PLCB1: variants seen among roughly 807,000 people sequenced by gnomAD.
PLCB1 encodes phospholipase C beta 1.
PLCB1 carries 46 observed loss-of-function variants against 161.8 expected under a neutral mutation model. That is an observed-to-expected ratio of 0.28 (90% CI 0.22 to 0.36). PLCB1 has a LOEUF of 0.36. Among genes scored for constraint, PLCB1 ranks in the 10% least tolerant of loss-of-function variants. The probability of loss-of-function intolerance (pLI) is 1.00; values close to 1 mark genes in which losing one functional copy is unlikely to be tolerated. For synonymous variants in PLCB1, 517 were observed against 503.7 expected (o/e 1.03, Z -0.35); for missense variants, 1,016 against 1,472.5 (o/e 0.69, Z 5.07).
chr20:8,409,005 A>G (rs1333378529), intron 3 of PLCB1, among the ~76,000 whole-genome samples: 1 of 152,232 alleles, frequency 6.6e-6, no homozygotes, highest in African/African-American at 2.4e-5. Flanking sequence ...TTTACATGGT[A>G]TTCAACATTG....
intron 9 of PLCB1, among the ~76,000 whole-genome samples, chr20:8,681,934 G>A (rs1990230745): frequency 6.6e-6 from 1 of 152,218 alleles, no homozygotes; most frequent in African/African-American, 2.4e-5. Context: ...TGTGCACAAA[G>A]CATCTAGTAG....
At chr20:8,218,248 C>A (rs572699280) in intron 2 of PLCB1, among the ~76,000 whole-genome samples, 1 of 151,328 alleles carries the variant, frequency 6.6e-6, no homozygotes, top group East Asian at 1.9e-4. Flanking sequence ...AGTGTTTTAT[C>A]CCCTGGGAGA....
intron 2 of PLCB1, among the ~76,000 whole-genome samples, chr20:8,323,512 T>A (rs1985006319): frequency 6.6e-6 from 1 of 152,168 alleles, no homozygotes; most frequent in African/African-American, 2.4e-5. Flanking sequence ...CATTGGTGTC[T>A]ATTCCTATAA....
intron 4 of PLCB1, among the ~76,000 whole-genome samples, chr20:8,629,850 TTTC>T (rs1457434965): frequency 1.0e-4 from 10 of 98,114 alleles, no homozygotes; most frequent in Non-Finnish European, 1.6e-4. Flanking sequence ...TCTTTCTTTC[TTTC>T]TTTCTTTCTT....
intron 3 of PLCB1, among the ~76,000 whole-genome samples, chr20:8,603,219 A>G (rs1490639328): frequency 6.6e-6 from 1 of 152,160 alleles, no homozygotes; most frequent in South Asian, 2.1e-4. Flanking sequence ...CTTTTTTCTC[A>G]TTGACTTTAA....
At chr20:8,803,839 G>C (rs547459313) in intron 31 of PLCB1, among the ~76,000 whole-genome samples, 66 of 151,988 alleles carry the variant, frequency 4.3e-4, no homozygotes, top group Admixed American at 7.9e-4. Flanking sequence ...TGTTGCCCAG[G>C]CTGGAGTGGA....
chr20:8,786,902 A>C (rs1983515410), intron 27 of PLCB1, among the ~76,000 whole-genome samples: 1 of 151,876 alleles, frequency 6.6e-6, no homozygotes, highest in Non-Finnish European at 1.5e-5. Context: ...ACAGGGTTTT[A>C]CCGTGTTGGC....
chr20:8,151,258 G>A (rs770358458), intron 2 of PLCB1, among the ~76,000 whole-genome samples: 1 of 152,134 alleles, frequency 6.6e-6, no homozygotes, highest in Non-Finnish European at 1.5e-5. Flanking sequence ...CCACAGTTAC[G>A]GATGAAGGAG....
intron 3 of PLCB1, among the ~76,000 whole-genome samples, chr20:8,529,356 C>T (rs866942178): frequency 1.3e-5 from 2 of 151,968 alleles, no homozygotes; most frequent in Non-Finnish European, 2.9e-5. Flanking sequence ...GTATTTTACT[C>T]CTCCTCCTCA....
intron 9 of PLCB1, among the ~76,000 whole-genome samples, chr20:8,683,715 C>G (rs921250782): frequency 2.0e-5 from 3 of 152,030 alleles, no homozygotes; most frequent in Non-Finnish European, 2.9e-5. Context: ...TAAATAGAAT[C>G]TGAGTAAACT....
chr20:8,366,303 C>A (rs1290431579), intron 2 of PLCB1, among the ~76,000 whole-genome samples: 1 of 151,738 alleles, frequency 6.6e-6, no homozygotes, highest in African/African-American at 2.4e-5. Flanking sequence ...GAGTGAAGAC[C>A]CTAAAATTAA....
intron 2 of PLCB1, among the ~76,000 whole-genome samples, chr20:8,281,043 C>T (rs2208141): frequency 0.5 from 75,706 of 152,098 alleles, 21,079 homozygotes; most frequent in African/African-American, 0.75. Flanking sequence ...GTGTACCTTT[C>T]TATGGCTACA....
At position 8,157,895 on chromosome 20, in the gene PLCB1, G is replaced by A. The variant is rs193265517; in HGVS notation, c.177+7524G>A. 7.8e-4 allele frequency among the ~76,000 whole-genome samples: 119 copies of A among 152,250 alleles called. 1 individual carries two copies. Among genetic ancestry groups the A allele is most frequent in the Middle Eastern group, 3.4e-3 (1 of 294 alleles). ...TCATTATGGGCATAACAACAGCAAT[G>A]CTTGTTTTAATATATTGTAACCAGA... On this transcript the variant is annotated intron_variant, in intron 2 of 31. Coordinates refer to ENST00000338037, the MANE Select transcript of PLCB1 (RefSeq NM_015192.4).
At chr20:8,650,001 T>C (rs980363922) in intron 7 of PLCB1, 1 of 152,262 alleles carries the variant, frequency 6.6e-6, no homozygotes, top group East Asian at 1.9e-4. Context: ...TGAGGCCTCT[T>C]TTCACTCCTA....
At chr20:8,526,327 T>A (rs1423807001) in intron 3 of PLCB1, among the ~76,000 whole-genome samples, 1 of 152,196 alleles carries the variant, frequency 6.6e-6, no homozygotes, top group Non-Finnish European at 1.5e-5. Context: ...GTTTCTTTGA[T>A]GTATGCATTT....
intron 2 of PLCB1, among the ~76,000 whole-genome samples, chr20:8,243,096 ATAT>A (rs1444012414): frequency 6.6e-6 from 1 of 151,962 alleles, no homozygotes; most frequent in Non-Finnish European, 1.5e-5. Context: ...TGGCTAGGTC[ATAT>A]TATCAGGTGG....
At chr20:8,798,573 TAC>T (rs10565621) in intron 31 of PLCB1, among the ~76,000 whole-genome samples, 12,447 of 151,122 alleles carry the variant, frequency 0.082, 1,442 homozygotes, top group African/African-American at 0.26. Flanking sequence ...CATACACACA[TAC>T]ACACACACAC....
chr20:8,163,993 A>G (rs978266), intron 2 of PLCB1, among the ~76,000 whole-genome samples: 86,713 of 152,048 alleles, frequency 0.57, 26,306 homozygotes, highest in African/African-American at 0.79. Context: ...ATGGCTGAAG[A>G]TCAGCATATC....
intron 31 of PLCB1, among the ~76,000 whole-genome samples, chr20:8,795,692 A>G (rs894987986): frequency 6.6e-6 from 1 of 152,146 alleles, no homozygotes; most frequent in Non-Finnish European, 1.5e-5. Flanking sequence ...AGTAGGAAAC[A>G]TGGGGAAACC....
Sources: allele counts gnomAD v4.1 joint callset (sites outside exome capture counted in the v4.1 genomes callset), GRCh38; gene constraint gnomAD v4.1.1; transcripts MANE v1.5; gene names NCBI Gene and HGNC (gene_info 2026-07-23, HGNC 2026-07-21).